Variants in SIDT1 observed in about 807,000 individuals in gnomAD.
SIDT1 encodes the protein SID1 transmembrane family, member 1.
SIDT1 carries 101 observed loss-of-function variants against 107.5 expected under a neutral mutation model. The ratio of observed to expected loss-of-function variants is 0.94; its 90% CI spans 0.80 to 1.11. The LOEUF (loss-of-function observed/expected upper bound fraction) is 1.11. Ranked by LOEUF, SIDT1 falls within the 50% of genes least tolerant of loss-of-function variation. The pLI is 0.00. For synonymous variants in SIDT1, 395 were observed against 398.2 expected (o/e 0.99, Z 0.10); for missense variants, 1,076 against 1,058.2 (o/e 1.02, Z -0.23).
chr3:113,564,447 G>A (rs113491425), intron 1 of SIDT1, among the ~76,000 whole-genome samples: 30 of 152,354 alleles, frequency 2.0e-4, no homozygotes, highest in African/African-American at 6.5e-4. Flanking sequence ...AATGACAGAT[G>A]AAACTGCCCT....
At chr3:113,602,749 C>T (rs887646722) in intron 11 of SIDT1, 8 of 328,270 alleles carry the variant, frequency 2.4e-5, no homozygotes, top group Non-Finnish European at 4.4e-5. Flanking sequence ...AAATAGTTAA[C>T]AGAGCAGATG....
At chr3:113,540,779 G>T (rs1221624996) in intron 1 of SIDT1, among the ~76,000 whole-genome samples, 1 of 151,896 alleles carries the variant, frequency 6.6e-6, no homozygotes, top group Non-Finnish European at 1.5e-5. Flanking sequence ...TTTAAACAAA[G>T]TTTTTGTCTT....
intron 2 of SIDT1, 151 bp downstream of exon 2, chr3:113,566,692 C>A: frequency 1.2e-6 from 1 of 836,760 alleles, no homozygotes; most frequent in Non-Finnish European, 1.9e-6. Flanking sequence ...GATCATGGTG[C>A]ATGCCCTGAC....
intron 1 of SIDT1, among the ~76,000 whole-genome samples, chr3:113,559,439 T>TA (rs1491444050): frequency 1.0e-4 from 14 of 139,972 alleles, no homozygotes; most frequent in African/African-American, 4.2e-4. Context: ...TTATTTATTT[T>TA]TTTTTTTTTT....
intron 19 of SIDT1, among the ~76,000 whole-genome samples, chr3:113,614,650 A>G (rs1560130554): frequency 6.6e-6 from 1 of 152,326 alleles, no homozygotes; most frequent in South Asian, 2.1e-4. Context: ...ATGTGGACAC[A>G]GGAAAGGCAG....
At chr3:113,554,410 G>A (rs975257680) in intron 1 of SIDT1, among the ~76,000 whole-genome samples, 3 of 152,164 alleles carry the variant, frequency 2.0e-5, no homozygotes, top group Non-Finnish European at 2.9e-5. Context: ...TGTCATGGGA[G>A]GGGACCGATG....
chr3:113,600,477 G>C (rs908633442), intron 10 of SIDT1, among the ~76,000 whole-genome samples: 3 of 151,712 alleles, frequency 2.0e-5, no homozygotes, highest in East Asian at 3.9e-4. Context: ...AACCTCCTAG[G>C]GTTGTTGAAA....
chr3:113,561,836 A>C (rs1195913070), intron 1 of SIDT1, among the ~76,000 whole-genome samples: 3 of 152,200 alleles, frequency 2.0e-5, no homozygotes, highest in African/African-American at 7.2e-5. Context: ...AAAAAGATGG[A>C]AGGAAATCCC....
Position 113,583,471 on chromosome 3 carries a change from C to T in SIDT1, c.810C>T (p.Ala270=), listed in dbSNP as rs1943516065. ...VVFVIKPEDY[A]CGGSFFIQEK... ...TTGTGATAAAGCCTGAAGATTATGC[C>T]TGTGGAGGATCTTTCTTCATCCAGG... The change falls in exon 7 of 25, where the codon GCC becomes GCT. Residue 270 remains alanine (A), a synonymous_variant. Transcript: ENST00000264852. 1.9e-6 allele frequency: 3 copies of T among 1,597,094 alleles called. No individual in the cohort carries two copies. The highest frequency in any genetic ancestry group is 1.7e-5 in the Admixed American group (1 of 59,874).
intron 1 of SIDT1, among the ~76,000 whole-genome samples, chr3:113,551,240 T>C (rs1014876877): frequency 2.6e-5 from 4 of 152,224 alleles, no homozygotes; most frequent in African/African-American, 9.6e-5. Context: ...TGCAGATGTC[T>C]TTATAATAGA....
chr3:113,571,770 C>T (rs1223914195), intron 3 of SIDT1, among the ~76,000 whole-genome samples: 2 of 152,176 alleles, frequency 1.3e-5, no homozygotes, highest in Non-Finnish European at 2.9e-5. Flanking sequence ...TCCGTCTCTA[C>T]TAAAAAATTC....
the SIDT1 span, among the ~76,000 whole-genome samples, chr3:113,636,870 A>G: frequency 6.6e-6 from 1 of 152,200 alleles, no homozygotes; most frequent in Admixed American, 6.5e-5. Context: ...CATGCAGGAG[A>G]GGCGGAAATG....
At chr3:113,593,642 A>T (rs1944337001) in intron 10 of SIDT1, among the ~76,000 whole-genome samples, 1 of 152,148 alleles carries the variant, frequency 6.6e-6, no homozygotes, top group Non-Finnish European at 1.5e-5. Flanking sequence ...ATCTTTTTTA[A>T]AAGTTTCACC....
At chr3:113,533,400 A>AGCTAG (rs1937702876) in intron 1 of SIDT1, among the ~76,000 whole-genome samples, 157 bp downstream of exon 1, 1 of 152,248 alleles carries the variant, frequency 6.6e-6, no homozygotes, top group African/African-American at 2.4e-5. Context: ...GCCCTGCCCT[A>AGCTAG]GCTGCCTCAA....
At position 113,623,733 on chromosome 3, in the gene SIDT1, G is replaced by C; in HGVS notation, c.2307G>C (p.Glu769Asp). The C allele has an allele frequency of 6.2e-7, 1 of 1,607,632 alleles. No individual in the cohort carries two copies. ...TCTTCCAGAATCTCAGCAGCTGGGAGGTAAGAGGCCAGTTTTCTTATCCAA... is the reference window on the plus strand; with the variant it reads ...TCTTCCAGAATCTCAGCAGCTGGGACGTAAGAGGCCAGTTTTCTTATCCAA... ...YFFFQNLSSW[E>D]GTPAESREKN... Residue 769 changes from glutamate (E) to aspartate (D), a missense_variant and splice_region_variant, in exon 23 of 25, where the codon GAG (glutamate) becomes GAC (aspartate). Transcript: ENST00000264852.
chr3:113,565,772 C>G (rs1941845048), intron 1 of SIDT1, among the ~76,000 whole-genome samples: 1 of 152,076 alleles, frequency 6.6e-6, no homozygotes, highest in African/African-American at 2.4e-5. Context: ...GGGGAAGCGT[C>G]ATGATTTATT....
chr3:113,575,928 C>T (rs1464637099), intron 3 of SIDT1, among the ~76,000 whole-genome samples: 1 of 152,172 alleles, frequency 6.6e-6, no homozygotes, highest in Non-Finnish European at 1.5e-5. Context: ...GGGGCAGGGG[C>T]ACGCACTCCC....
intron 24 of SIDT1, 144 bp downstream of exon 24, chr3:113,626,359 C>T (rs897042961): frequency 3.5e-6 from 2 of 570,458 alleles, no homozygotes; most frequent in African/African-American, 3.8e-5. Context: ...TACAGACCAT[C>T]TTATTTCTTT....
downstream of SIDT1, among the ~76,000 whole-genome samples, chr3:113,634,399 G>T (rs1392092667): frequency 6.6e-6 from 1 of 152,172 alleles, no homozygotes; most frequent in African/African-American, 2.4e-5. Flanking sequence ...GCTCACATCT[G>T]TAATCCCAGC....
Sources: allele counts gnomAD v4.1 joint callset (sites outside exome capture counted in the v4.1 genomes callset), GRCh38; gene constraint gnomAD v4.1.1; transcripts MANE v1.5; gene names NCBI Gene and HGNC (gene_info 2026-07-23, HGNC 2026-07-21).